EMP2: variants seen among roughly 807,000 people sequenced by gnomAD.
The protein encoded by EMP2 is epithelial membrane protein 2.
EMP2 carries 19 observed loss-of-function variants against 13.7 expected under a neutral mutation model. That is an observed-to-expected ratio of 1.38 (90% CI 0.97 to 2.03). The LOEUF (loss-of-function observed/expected upper bound fraction) is 2.03. Among genes scored for constraint, EMP2 ranks in the 30% most tolerant of loss-of-function variants. The pLI, the probability that EMP2 is intolerant of heterozygous loss-of-function variation, is 0.00. For missense variants in EMP2, 253 were observed against 220.7 expected, an observed-to-expected ratio of 1.15 and a Z score of -0.93; for synonymous variants, 97 against 84.7, an observed-to-expected ratio of 1.15 and a Z score of -0.80.
intron 1 of EMP2, among the ~76,000 whole-genome samples, chr16:10,561,920 C>T (rs1227674387): frequency 6.6e-6 from 1 of 152,172 alleles, no homozygotes; most frequent in Non-Finnish European, 1.5e-5. Flanking sequence ...AAGGGTTTAT[C>T]CAGGGCCTGG....
At chr16:10,553,691 C>T (rs542695366) in intron 1 of EMP2, among the ~76,000 whole-genome samples, 2 of 152,332 alleles carry the variant, frequency 1.3e-5, no homozygotes, top group African/African-American at 4.8e-5. Context: ...CCTACGAATC[C>T]ACCTCATTCC....
intron 1 of EMP2, among the ~76,000 whole-genome samples, chr16:10,549,652 C>T (rs141614568): frequency 6.6e-5 from 10 of 151,838 alleles, no homozygotes; most frequent in East Asian, 5.8e-4. Context: ...AAGTACAGTG[C>T]GAATCAGACC....
intron 1 of EMP2, among the ~76,000 whole-genome samples, chr16:10,571,592 G>A (rs1489384323): frequency 3.3e-5 from 5 of 152,216 alleles, no homozygotes; most frequent in Non-Finnish European, 7.3e-5. Context: ...AGAATTTTAA[G>A]TGGGGCAGGG....
chr16:10,536,344 A>G (rs1406549441), intron 4 of EMP2, among the ~76,000 whole-genome samples: 1 of 152,010 alleles, frequency 6.6e-6, no homozygotes, highest in African/African-American at 2.4e-5. Flanking sequence ...CTGTGTCCCC[A>G]CCCCAATCTC....
chr16:10,575,249 T>TTTTTTTTTTTTTTTTTTTTG lies in EMP2; in HGVS notation c.-61+5299_-61+5300insCAAAAAAAAAAAAAAAAAAA, dbSNP rs2050975801. ...TGGAGCTTGCATTCTTTTTTTTTTT[T>TTTTTTTTTTTTTTTTTTTTG]TTTTTTTTTTTTTTTTTTTTTTGAG... On this transcript the variant is annotated intron_variant, in intron 1 of 4. Coordinates refer to ENST00000359543, the MANE Select transcript of EMP2 (RefSeq NM_001424.6). Among the ~76,000 whole-genome samples, 2 of 67,322 alleles carry TTTTTTTTTTTTTTTTTTTTG rather than the reference T, an allele frequency of 3.0e-5. 1 individual carries two copies. Among genetic ancestry groups the TTTTTTTTTTTTTTTTTTTTG allele is most frequent in the Non-Finnish European group, 5.3e-5 (2 of 37,488 alleles). The allele number at this position is 67,322 out of a possible 152,430, so 44.2% of individuals were successfully genotyped here.
At chr16:10,556,359 C>T (rs6498085) in intron 1 of EMP2, among the ~76,000 whole-genome samples, 6,385 of 152,214 alleles carry the variant, frequency 0.042, 438 homozygotes, top group African/African-American at 0.14. Flanking sequence ...TACAAGCCTG[C>T]GGTTGGCCTG....
At chr16:10,574,208 G>C (rs544552098) in intron 1 of EMP2, among the ~76,000 whole-genome samples, 4 of 152,274 alleles carry the variant, frequency 2.6e-5, no homozygotes, top group Admixed American at 2.6e-4. Context: ...AAAGTGCTGG[G>C]ATTAGAGGCG....
chr16:10,577,947 C>T (rs1013232087), intron 1 of EMP2: 12 of 137,194 alleles, frequency 8.7e-5, no homozygotes, highest in African/African-American at 1.8e-4. Flanking sequence ...TGTTGTCCCC[C>T]CCACCCCCCC....
chr16:10,567,367 T>C lies in EMP2; in HGVS notation c.-61+13182A>G, dbSNP rs866761960. Among the ~76,000 whole-genome samples, 8 of 152,288 alleles carry C rather than the reference T, an allele frequency of 5.3e-5. 1 individual carries two copies. The highest frequency in any genetic ancestry group is 1.9e-4 in the African/African-American group (8 of 41,568). ...TTGAGATGACAATATAGCATTCTCT[T>C]CCCCTTGGCAGCCCCATGGCCTCCA... On this transcript the variant is annotated intron_variant, in intron 1 of 4. Coordinates refer to ENST00000359543, the MANE Select transcript of EMP2 (RefSeq NM_001424.6).
chr16:10,577,758 C>T (rs1376767590), intron 1 of EMP2, among the ~76,000 whole-genome samples: 1 of 152,128 alleles, frequency 6.6e-6, no homozygotes, highest in Non-Finnish European at 1.5e-5. Context: ...ACTCTCTCCT[C>T]TGGGAGAGAT....
chr16:10,538,257 C>T lies in EMP2; in HGVS notation c.170-183G>A, dbSNP rs555558707. On this transcript the variant is annotated intron_variant, in intron 3 of 4. Transcript: ENST00000359543. ...GGCGTCTTCCAGACCCCCTGCCCCTCACCTCCAGTGTCCATTTGACTGGAC... is the reference window on the plus strand; with the variant it reads ...GGCGTCTTCCAGACCCCCTGCCCCTTACCTCCAGTGTCCATTTGACTGGAC... 1.8e-3 allele frequency among the ~76,000 whole-genome samples: 273 copies of T among 152,300 alleles called. 1 individual carries two copies. Among genetic ancestry groups the T allele is most frequent in the Non-Finnish European group, 2.8e-3 (188 of 68,020 alleles).
At chr16:10,560,851 C>T (rs1309339062) in intron 1 of EMP2, among the ~76,000 whole-genome samples, 2 of 152,146 alleles carry the variant, frequency 1.3e-5, no homozygotes, top group Admixed American at 1.3e-4. Context: ...CCGGGCTGGG[C>T]CCCAAGATGG....
intron 1 of EMP2, among the ~76,000 whole-genome samples, chr16:10,558,500 TG>T (rs1217444481): frequency 1.5e-5 from 2 of 129,898 alleles, no homozygotes; most frequent in African/African-American, 6.4e-5. Flanking sequence ...TGTGTGTGTG[TG>T]TGTGTCGCAC....
chr16:10,551,119 T>C (rs1420025974), intron 1 of EMP2, among the ~76,000 whole-genome samples: 1 of 152,104 alleles, frequency 6.6e-6, no homozygotes, highest in African/African-American at 2.4e-5. Context: ...CCAAAGTAAA[T>C]TGTGTACTCA....
intron 3 of EMP2, among the ~76,000 whole-genome samples, chr16:10,538,794 G>C (rs1004964308): frequency 1.6e-4 from 25 of 152,080 alleles, no homozygotes; most frequent in African/African-American, 6.0e-4. Flanking sequence ...GTGGGCCTCA[G>C]TTTCCTCACC....
chr16:10,573,239 C>G (rs1443445107), intron 1 of EMP2, among the ~76,000 whole-genome samples: 2 of 152,014 alleles, frequency 1.3e-5, no homozygotes, highest in Non-Finnish European at 2.9e-5. Flanking sequence ...TTTGTAGAGA[C>G]AGGGTCTCAT....
intron 1 of EMP2, among the ~76,000 whole-genome samples, chr16:10,554,548 G>A (rs2050813214): frequency 1.3e-5 from 2 of 152,128 alleles, no homozygotes; most frequent in African/African-American, 4.8e-5. Context: ...CAAACAAACA[G>A]TTCCCGGGGC....
At chr16:10,569,621 G>A (rs995936740) in intron 1 of EMP2, among the ~76,000 whole-genome samples, 11 of 152,092 alleles carry the variant, frequency 7.2e-5, no homozygotes, top group Non-Finnish European at 7.4e-5. Flanking sequence ...CACCCAGCCC[G>A]ATTCATTTTT....
In EMP2 at chr16:10,578,446, G is replaced by T. The variant is rs115201934; in HGVS notation, c.-61+2103C>A. Among the ~76,000 whole-genome samples, 497 of 152,320 alleles carry T rather than the reference G, an allele frequency of 3.3e-3. 3 individuals carry two copies. The highest frequency in any genetic ancestry group is 0.011 in the African/African-American group (474 of 41,562). ...GAGAAGCGGGGGCGGTTTGCTAAATGGATGTGCTCCATAGCCACAATAAAA... is the reference window on the plus strand; with the variant it reads ...GAGAAGCGGGGGCGGTTTGCTAAATTGATGTGCTCCATAGCCACAATAAAA... On this transcript the variant is annotated intron_variant, in intron 1 of 4. Coordinates refer to ENST00000359543, the MANE Select transcript of EMP2 (RefSeq NM_001424.6).
Sources: allele counts gnomAD v4.1 joint callset (sites outside exome capture counted in the v4.1 genomes callset), GRCh38; gene constraint gnomAD v4.1.1; transcripts MANE v1.5; gene names NCBI Gene and HGNC (gene_info 2026-07-23, HGNC 2026-07-21).